The following CGNL1 variants were observed in gnomAD, a reference collection of about 807,000 sequenced individuals.
The protein encoded by CGNL1 is cingulin like 1, also known as cingulin-like protein 1.
In CGNL1, 132 loss-of-function variants were observed where a neutral mutation model predicts 141.2. The ratio of observed to expected loss-of-function variants is 0.93; its 90% CI spans 0.81 to 1.08. CGNL1 has a LOEUF of 1.08. Ranked by LOEUF, CGNL1 falls within the 50% of genes least tolerant of loss-of-function variation. The pLI is 0.00. For synonymous variants in CGNL1, 690 were observed against 622.1 expected (o/e 1.11, Z -1.63); for missense variants, 1,870 against 1,588.6 (o/e 1.18, Z -3.01).
intron 8 of CGNL1, among the ~76,000 whole-genome samples, chr15:57,463,401 C>G (rs112228074): frequency 6.6e-6 from 1 of 152,184 alleles, no homozygotes; most frequent in South Asian, 2.1e-4. Context: ...TATATTAACT[C>G]ATAGTATTTT....
intron 12 of CGNL1, among the ~76,000 whole-genome samples, chr15:57,526,032 G>T (rs973030533): frequency 6.6e-6 from 1 of 152,110 alleles, no homozygotes; most frequent in Admixed American, 6.5e-5. Flanking sequence ...TTCCCGTTGC[G>T]TTTTATATAA....
At chr15:57,430,448 A>G (rs2063031250) in intron 1 of CGNL1, among the ~76,000 whole-genome samples, 1 of 152,246 alleles carries the variant, frequency 6.6e-6, no homozygotes, top group South Asian at 2.1e-4. Flanking sequence ...TTCAGTAACC[A>G]TGAAGAATAT....
chr15:57,424,743 G>A (rs1180807640), intron 1 of CGNL1, among the ~76,000 whole-genome samples: 4 of 152,058 alleles, frequency 2.6e-5, no homozygotes, highest in Non-Finnish European at 5.9e-5. Flanking sequence ...AGAAATGAAG[G>A]TTTCATAGTT....
At chr15:57,510,813 C>G (rs1179579599) in intron 8 of CGNL1, among the ~76,000 whole-genome samples, 2 of 152,164 alleles carry the variant, frequency 1.3e-5, no homozygotes, top group African/African-American at 4.8e-5. Context: ...TGGGCCTTTT[C>G]CACTCTCCCA....
intron 1 of CGNL1, among the ~76,000 whole-genome samples, chr15:57,391,099 G>A (rs2062537728): frequency 6.6e-6 from 1 of 152,174 alleles, no homozygotes; most frequent in Non-Finnish European, 1.5e-5. Flanking sequence ...GAGGTGACTT[G>A]TCTTCAGCCA....
chr15:57,383,007 T>C (rs1293539862), intron 1 of CGNL1, among the ~76,000 whole-genome samples: 2 of 152,202 alleles, frequency 1.3e-5, no homozygotes, highest in African/African-American at 4.8e-5. Context: ...TTAAAAAAGG[T>C]TTGATTCCCC....
chr15:57,481,137 G>C (rs1318360731), intron 8 of CGNL1, among the ~76,000 whole-genome samples: 1 of 141,460 alleles, frequency 7.1e-6, no homozygotes, highest in Non-Finnish European at 1.5e-5. Flanking sequence ...AACGTTTTGA[G>C]ATAGTTATAA....
chr15:57,499,017 G>T (rs1369646139), intron 8 of CGNL1, among the ~76,000 whole-genome samples: 1 of 152,144 alleles, frequency 6.6e-6, no homozygotes, highest in Non-Finnish European at 1.5e-5. Context: ...GGTGGAGGGT[G>T]ACATGATCTG....
chr15:57,493,500 A>T (rs879854308), intron 8 of CGNL1, among the ~76,000 whole-genome samples: 1 of 152,248 alleles, frequency 6.6e-6, no homozygotes, highest in African/African-American at 2.4e-5. Context: ...CAGAACCAAG[A>T]TTCACAATGA....
Position 57,445,414 on chromosome 15 carries a change from C to T in CGNL1, c.1803+2936C>T, listed in dbSNP as rs2063238710. Among the ~76,000 whole-genome samples the T allele has an allele frequency of 2.0e-5, 3 of 152,150 alleles. No individual in the cohort carries two copies. In the South Asian group the frequency reaches 6.2e-4, roughly 32 times the overall value. ...CCCTCTTAGGTTTGGAATCTGATTACTTGCTGGCAAAGGTTTTAGAGTTTT... is the reference window on the plus strand; with the variant it reads ...CCCTCTTAGGTTTGGAATCTGATTATTTGCTGGCAAAGGTTTTAGAGTTTT... On this transcript the variant is annotated intron_variant, in intron 4 of 18. Transcript: ENST00000281282.
At chr15:57,442,899 G>A (rs1229687411) in intron 4 of CGNL1, among the ~76,000 whole-genome samples, 3 of 152,164 alleles carry the variant, frequency 2.0e-5, no homozygotes, top group East Asian at 1.9e-4. Flanking sequence ...GATTACAGGC[G>A]TAAGCCACCA....
At chr15:57,502,063 C>G (rs1271814409) in intron 8 of CGNL1, among the ~76,000 whole-genome samples, 2 of 152,202 alleles carry the variant, frequency 1.3e-5, no homozygotes, top group Non-Finnish European at 2.9e-5. Flanking sequence ...ATAGGCCCAA[C>G]TTGCAGGGAG....
intron 18 of CGNL1, among the ~76,000 whole-genome samples, chr15:57,546,762 C>T (rs1164802363): frequency 1.3e-5 from 2 of 152,066 alleles, no homozygotes; most frequent in African/African-American, 2.4e-5. Flanking sequence ...GGTCTCTCCC[C>T]GGGGTATGAG....
At chr15:57,381,773 G>A (rs1364987874) in intron 1 of CGNL1, among the ~76,000 whole-genome samples, 1 of 151,932 alleles carries the variant, frequency 6.6e-6, no homozygotes, top group Non-Finnish European at 1.5e-5. Context: ...GTGTAAATAG[G>A]AATTTTACTA....
At position 57,480,055 on chromosome 15, in the gene CGNL1, G is replaced by C. The variant is rs892353842; in HGVS notation, c.2403+18163G>C. On this transcript the variant is annotated intron_variant, in intron 8 of 18. Coordinates refer to ENST00000281282, the MANE Select transcript of CGNL1 (RefSeq NM_032866.5). ...CCAAAGAGCTGTGGCAGCAAGTGTT[G>C]GTTTTATTGCAGTATTAGCAGTATG... Among the ~76,000 whole-genome samples, 5 of 152,216 alleles carry C rather than the reference G, an allele frequency of 3.3e-5. No homozygotes were observed. The South Asian group carries it at 8.3e-4, about 25-fold the overall frequency.
chr15:57,523,648 G>A lies in CGNL1; in HGVS notation c.2868+7G>A. 6.6e-7 allele frequency: 1 copy of A among 1,520,080 alleles called. No individual in the cohort carries two copies. 94.2% of individuals were successfully genotyped at this position (1,520,080 alleles called of 1,614,324 possible). On this transcript the variant is annotated splice_region_variant and intron_variant, in intron 11 of 18. Coordinates refer to ENST00000281282, the MANE Select transcript of CGNL1 (RefSeq NM_032866.5). ...TGAGAAACTGCAGAAGGAGGTGAGG[G>A]GCTGGAGGAGGAAAGAGGAAGTAGG...
intron 8 of CGNL1, among the ~76,000 whole-genome samples, chr15:57,492,238 G>A (rs1007163041): frequency 1.6e-4 from 24 of 152,194 alleles, no homozygotes; most frequent in African/African-American, 5.3e-4. Context: ...CACATCTTAA[G>A]GGAGGTTAGA....
rs2031491318 is a variant in CGNL1, at chr15:57,524,616, C to G, written c.2904C>G (p.Thr968=). 1 of 1,614,012 alleles carries G rather than the reference C, an allele frequency of 6.2e-7. No individual in the cohort carries two copies. The highest frequency in any genetic ancestry group is 1.1e-5 in the South Asian group (1 of 91,056). ...ADIVEASRTS[T]LELQNQLDEY... is the part of the protein sequence containing the mutation. ...TTGTTGAGGCCTCCCGTACCTCAAC[C>G]CTGGAGCTCCAGAACCAGCTGGATG... Residue 968 remains threonine (T), a synonymous_variant, in exon 12 of 19, where the codon ACC becomes ACG. Coordinates refer to ENST00000281282, the MANE Select transcript of CGNL1 (RefSeq NM_032866.5).
At chr15:57,478,620 G>A (rs2063686437) in intron 8 of CGNL1, among the ~76,000 whole-genome samples, 1 of 152,138 alleles carries the variant, frequency 6.6e-6, no homozygotes, top group Non-Finnish European at 1.5e-5. Context: ...GGCCTAGACT[G>A]TGAAAGGATA....
Sources: gnomAD v4.1 joint callset for allele counts (sites outside exome capture counted in the v4.1 genomes callset) on GRCh38, gnomAD v4.1.1 for gene constraint, MANE v1.5 for transcripts, NCBI Gene and HGNC (gene_info 2026-07-23, HGNC 2026-07-21) for gene names.